PSEN1: variants seen among roughly 807,000 people sequenced by gnomAD.
PSEN1 encodes the protein presenilin 1.
In PSEN1, 15 loss-of-function variants were observed where a neutral mutation model predicts 53.5. The ratio of observed to expected loss-of-function variants is 0.28; its 90% confidence interval spans 0.19 to 0.43. PSEN1 has a LOEUF of 0.43. PSEN1 is among the 20% of genes least tolerant of loss of function. The pLI is 1.00. For synonymous variants in PSEN1, 208 were observed against 209.8 expected (o/e 0.99, Z 0.08); for missense variants, 387 against 571.2 (o/e 0.68, Z 3.29).
chr14:73,186,057 A>T (rs2140077959), intron 5 of PSEN1, among the ~76,000 whole-genome samples: 2 of 152,324 alleles, frequency 1.3e-5, no homozygotes, highest in African/African-American at 4.8e-5. Context: ...AACACCAGAA[A>T]CAACTTTGTT....
chr14:73,144,298 C>T (rs1897009436), intron 1 of PSEN1, among the ~76,000 whole-genome samples: 1 of 151,908 alleles, frequency 6.6e-6, no homozygotes, highest in Non-Finnish European at 1.5e-5. Context: ...CCTTGGCCTC[C>T]CAAAGTGCTG....
chr14:73,188,679 A>G (rs966286011), intron 6 of PSEN1, among the ~76,000 whole-genome samples: 2 of 152,204 alleles, frequency 1.3e-5, no homozygotes, highest in Non-Finnish European at 1.5e-5. Flanking sequence ...TATAAAATGT[A>G]TGCATCTCAT....
chr14:73,216,109 A>G (rs1899901992), intron 10 of PSEN1, among the ~76,000 whole-genome samples: 1 of 152,228 alleles, frequency 6.6e-6, no homozygotes, highest in African/African-American at 2.4e-5. Context: ...TTCAGCTTCC[A>G]ATAACTTCCA....
At chr14:73,172,429 A>G (rs1897918825) in intron 4 of PSEN1, among the ~76,000 whole-genome samples, 1 of 152,238 alleles carries the variant, frequency 6.6e-6, no homozygotes, top group Non-Finnish European at 1.5e-5. Context: ...TAGGTTTGGC[A>G]ACGTATTATA....
rs376338548 is a variant in PSEN1, at chr14:73,191,542, AT to A, written c.549-1092del. ...TTGAAATTCCAAAATACGTACATAT[AT>A]TTTTTTTTTCTTTTCTTTTTTAGTT... On this transcript the variant is annotated intron_variant, in intron 6 of 11. Transcript: ENST00000324501. 7.8e-3 allele frequency among the ~76,000 whole-genome samples: 1,166 copies of A among 149,488 alleles called. 17 individuals carry two copies. The highest frequency in any genetic ancestry group is 0.024 in the African/African-American group (985 of 40,750).
intron 1 of PSEN1, chr14:73,138,078 A>C (rs1896798582): frequency 6.6e-6 from 1 of 152,042 alleles, no homozygotes; most frequent in African/African-American, 2.4e-5. Context: ...TCAAAAAAAA[A>C]AAAAACCTGT....
intron 5 of PSEN1, among the ~76,000 whole-genome samples, chr14:73,184,300 G>A (rs1434132930): frequency 4.7e-5 from 6 of 127,680 alleles, no homozygotes; most frequent in African/African-American, 1.6e-4. Context: ...CGGGCGGGGG[G>A]CTGACCCCCC....
At chr14:73,154,159 G>A (rs868758344) in intron 3 of PSEN1, among the ~76,000 whole-genome samples, 12 of 152,148 alleles carry the variant, frequency 7.9e-5, no homozygotes, top group Admixed American at 6.5e-4. Context: ...TAAGGGAAAA[G>A]GGCAGAATAT....
chr14:73,167,528 C>A (rs1566627606), intron 3 of PSEN1, among the ~76,000 whole-genome samples: 2 of 152,146 alleles, frequency 1.3e-5, no homozygotes, highest in African/African-American at 2.4e-5. Context: ...CAGTCACCTC[C>A]TAAAGGCCTC....
intron 1 of PSEN1, among the ~76,000 whole-genome samples, chr14:73,140,321 C>T (rs1328541884): frequency 1.4e-5 from 2 of 139,232 alleles, no homozygotes; most frequent in Non-Finnish European, 3.0e-5. Flanking sequence ...AGTGATTCTT[C>T]TGCCTCAGCC....
chr14:73,189,581 C>A (rs1898642223), intron 6 of PSEN1, among the ~76,000 whole-genome samples: 1 of 152,130 alleles, frequency 6.6e-6, no homozygotes, highest in South Asian at 2.1e-4. Flanking sequence ...CATTGCACTC[C>A]CACCTGGGCA....
chr14:73,187,969 C>T (rs1310986153), intron 6 of PSEN1, among the ~76,000 whole-genome samples: 2 of 151,952 alleles, frequency 1.3e-5, no homozygotes, highest in African/African-American at 4.8e-5. Flanking sequence ...CACGCTGTTG[C>T]CCAGGCTGGA....
chr14:73,170,821 CACA>C lies in PSEN1; in HGVS notation c.115_117del (p.Asn39del). 3 of 1,614,032 alleles carry C rather than the reference CACA, an allele frequency of 1.9e-6. No homozygotes were observed. The highest frequency in any genetic ancestry group is 2.5e-6 in the Non-Finnish European group (3 of 1,179,936). On this transcript the variant is annotated inframe_deletion, in exon 4 of 12. Coordinates refer to ENST00000324501, the MANE Select transcript of PSEN1 (RefSeq NM_000021.4). ...GAATGACAATAGAGAACGGCAGGAG[CACA>C]ACGACAGACGGAGCCTTGGCCACCC...
chr14:73,154,018 A>G (rs1566620820), intron 3 of PSEN1, among the ~76,000 whole-genome samples: 2 of 152,010 alleles, frequency 1.3e-5, no homozygotes, highest in Non-Finnish European at 2.9e-5. Context: ...CTGCCAATAC[A>G]TTTTCTTACA....
At chr14:73,162,109 G>A (rs1897563604) in intron 3 of PSEN1, among the ~76,000 whole-genome samples, 1 of 150,608 alleles carries the variant, frequency 6.6e-6, no homozygotes, top group Non-Finnish European at 1.5e-5. Context: ...AACCTGGGAG[G>A]CCAAGGTTGC....
At position 73,170,777 on chromosome 14, in the gene PSEN1, T is replaced by G; in HGVS notation, c.88-20T>G. 1 of 1,613,942 alleles carries G rather than the reference T, an allele frequency of 6.2e-7. No homozygotes were observed. Among genetic ancestry groups the G allele is most frequent in the Non-Finnish European group, 8.5e-7 (1 of 1,179,900 alleles). ...TGCTGAGAATCTGATTTACTGAAAATGTTTTTCTTGTGCTTATAGAATGAC... is the reference window on the plus strand; with the variant it reads ...TGCTGAGAATCTGATTTACTGAAAAGGTTTTTCTTGTGCTTATAGAATGAC... On this transcript the variant is annotated intron_variant, in intron 3 of 11. Transcript: ENST00000324501.
intron 7 of PSEN1, 50 bp downstream of exon 7, chr14:73,192,914 G>C (rs369102324): frequency 1.4e-6 from 2 of 1,399,128 alleles, no homozygotes; most frequent in South Asian, 1.2e-5. Context: ...CCCCACTGGA[G>C]TGTTTTCTTT....
At chr14:73,211,963 T>C (rs928140483) in intron 10 of PSEN1, 21 bp downstream of exon 10, 2 of 1,612,614 alleles carry the variant, frequency 1.2e-6, no homozygotes, top group Non-Finnish European at 1.7e-6. Flanking sequence ...TTCTCTATGT[T>C]GCAAAGTCAT....
chr14:73,170,393 A>T (rs910382763), intron 3 of PSEN1, among the ~76,000 whole-genome samples: 6 of 152,232 alleles, frequency 3.9e-5, no homozygotes, highest in Non-Finnish European at 7.3e-5. Flanking sequence ...CAAGGATTTT[A>T]AAGTCTTATT....
Sources: allele counts gnomAD v4.1 joint callset (sites outside exome capture counted in the v4.1 genomes callset), GRCh38; gene constraint gnomAD v4.1.1; transcripts MANE v1.5; gene names NCBI Gene and HGNC (gene_info 2026-07-23, HGNC 2026-07-21).